The following TOGARAM1 variants were observed in gnomAD, a reference collection of about 807,000 sequenced individuals.
TOGARAM1 encodes the protein TOG array regulator of axonemal microtubules 1.
In TOGARAM1, 100 loss-of-function variants were observed where a neutral mutation model predicts 166.6. That is an observed-to-expected ratio of 0.60 (90% confidence interval 0.51 to 0.71). The LOEUF is 0.71. Ranked by LOEUF, TOGARAM1 falls within the 30% of genes least tolerant of loss-of-function variation. TOGARAM1 has a pLI of 0.00. For synonymous variants in TOGARAM1, 758 were observed against 763.8 expected (o/e 0.99, Z 0.13); for missense variants, 2,029 against 2,102.7 (o/e 0.96, Z 0.69).
At chr14:44,988,550 A>G (rs1886974822) in intron 1 of TOGARAM1, among the ~76,000 whole-genome samples, 1 of 152,232 alleles carries the variant, frequency 6.6e-6, no homozygotes, top group Admixed American at 6.5e-5. Context: ...TTGATCAGTT[A>G]AAGAGACAAA....
At chr14:45,017,834 G>C (rs538129407) in intron 7 of TOGARAM1, among the ~76,000 whole-genome samples, 2 of 151,950 alleles carry the variant, frequency 1.3e-5, no homozygotes, top group Non-Finnish European at 2.9e-5. Flanking sequence ...GCAGTGAGCC[G>C]AGATGGCGCC....
intron 1 of TOGARAM1, among the ~76,000 whole-genome samples, chr14:44,966,475 AAAT>A (rs750279861): frequency 1.3e-5 from 2 of 152,076 alleles, no homozygotes; most frequent in Non-Finnish European, 2.9e-5. Context: ...TGCATCTCAA[AAAT>A]AATAATAATA....
intron 1 of TOGARAM1, among the ~76,000 whole-genome samples, chr14:44,965,295 C>T (rs992489485): frequency 6.6e-6 from 1 of 152,100 alleles, no homozygotes; most frequent in African/African-American, 2.4e-5. Flanking sequence ...TAACAGACAG[C>T]CTGTATTTAA....
At chr14:44,983,756 T>C (rs936100002) in intron 1 of TOGARAM1, among the ~76,000 whole-genome samples, 1 of 152,224 alleles carries the variant, frequency 6.6e-6, no homozygotes, top group Non-Finnish European at 1.5e-5. Context: ...TTGGATTGTT[T>C]CTGAAAAGAT....
chr14:44,985,625 A>G (rs1886753530), intron 1 of TOGARAM1, among the ~76,000 whole-genome samples: 1 of 152,212 alleles, frequency 6.6e-6, no homozygotes, highest in South Asian at 2.1e-4. Flanking sequence ...AGCTCAGGCA[A>G]TAATCCCAGT....
chr14:45,053,147 T>C (rs916262345), intron 15 of TOGARAM1, among the ~76,000 whole-genome samples: 14 of 150,834 alleles, frequency 9.3e-5, no homozygotes, highest in African/African-American at 3.2e-4. Flanking sequence ...CAAGCGATTC[T>C]CCTGCCTCAG....
intron 12 of TOGARAM1, among the ~76,000 whole-genome samples, chr14:45,044,407 G>T (rs966316565): frequency 2.0e-5 from 3 of 152,056 alleles, no homozygotes; most frequent in African/African-American, 2.4e-5. Flanking sequence ...CAGGCATGGT[G>T]GTGTGCATCT....
At chr14:45,025,752 G>C (rs202068173) in intron 7 of TOGARAM1, 31 bp from the exon 8 acceptor site, 6 of 1,238,830 alleles carry the variant, frequency 4.8e-6, no homozygotes, top group Non-Finnish European at 7.1e-6. Context: ...ATATGTTTAA[G>C]TATTTGTTTT....
chr14:44,992,086 A>C (rs1887169585), intron 1 of TOGARAM1, among the ~76,000 whole-genome samples: 2 of 148,950 alleles, frequency 1.3e-5, no homozygotes, highest in South Asian at 2.1e-4. Flanking sequence ...AAAAAAAAAA[A>C]AAAAAAAAAA....
intron 2 of TOGARAM1, among the ~76,000 whole-genome samples, chr14:44,998,423 A>T (rs1283239862): frequency 6.6e-6 from 1 of 152,240 alleles, no homozygotes; most frequent in African/African-American, 2.4e-5. Context: ...TTGACTTTAA[A>T]GGAGGGAGAG....
rs746660414 is a variant in TOGARAM1 at position 45,012,073 on chromosome 14, C to G, written c.3236C>G (p.Ala1079Gly). The change falls in exon 7 of 20, where the codon GCA becomes GGA. Residue 1079 changes from alanine to glycine, a missense_variant and splice_region_variant. By Grantham distance (60) the Ala-to-Gly change is moderately conservative. This residue lies in a region of TOGARAM1 where 1,453 missense variants were observed against 1,432.2 expected (regional missense o/e 1.01). Coordinates refer to ENST00000361462, the MANE Select transcript of TOGARAM1 (RefSeq NM_001308120.2). The stretch of plus-strand genomic sequence containing the variant: ...CATATTGCTGAACAAAGCCCCAGTG[C>G]AGGTATTCTATGTCTGTTTATAAAA... Reference protein sequence around the residue: ...ISHIAEQSPSAGSSSNPQQIS... With the variant: ...ISHIAEQSPSGGSSSNPQQIS... 1.3e-6 allele frequency: 2 copies of G among 1,564,804 alleles called. No homozygotes were observed. Among genetic ancestry groups the G allele is most frequent in the South Asian group, 2.4e-5 (2 of 85,012 alleles).
intron 7 of TOGARAM1, among the ~76,000 whole-genome samples, chr14:45,019,743 C>A (rs904205763): frequency 6.6e-6 from 1 of 152,162 alleles, no homozygotes; most frequent in African/African-American, 2.4e-5. Flanking sequence ...AAGGTGGATG[C>A]GGTCACCTTC....
chr14:44,989,617 A>G (rs1887025006), intron 1 of TOGARAM1, among the ~76,000 whole-genome samples: 1 of 151,264 alleles, frequency 6.6e-6, no homozygotes, highest in African/African-American at 2.4e-5. Context: ...GTTCAAAACC[A>G]CAAGTCTCTA....
intron 14 of TOGARAM1, among the ~76,000 whole-genome samples, chr14:45,051,930 C>T (rs563254541): frequency 3.3e-4 from 50 of 152,232 alleles, no homozygotes; most frequent in Admixed American, 8.5e-4. Context: ...TATCATAAGC[C>T]AAAAGTGCAT....
chr14:45,062,693 A>G (rs1882952049), intron 16 of TOGARAM1, among the ~76,000 whole-genome samples: 1 of 152,202 alleles, frequency 6.6e-6, no homozygotes, highest in South Asian at 2.1e-4. Context: ...TATTCAATAA[A>G]TTATTCATTA....
At chr14:44,965,957 C>T (rs953104841) in intron 1 of TOGARAM1, among the ~76,000 whole-genome samples, 5 of 150,314 alleles carry the variant, frequency 3.3e-5, no homozygotes, top group African/African-American at 1.2e-4. Flanking sequence ...TCACTGCAAC[C>T]TCTGTCTCCC....
At chr14:45,037,140 G>A (rs956443813) in intron 11 of TOGARAM1, among the ~76,000 whole-genome samples, 1 of 152,062 alleles carries the variant, frequency 6.6e-6, no homozygotes, top group South Asian at 2.1e-4. Context: ...TGTCAGCCAG[G>A]GACCCTCTCA....
At chr14:44,990,916 A>G (rs111380707) in intron 1 of TOGARAM1, among the ~76,000 whole-genome samples, 23,907 of 141,652 alleles carry the variant, frequency 0.17, 3,780 homozygotes, top group African/African-American at 0.43. Flanking sequence ...CCCAAAATGC[A>G]GGGATTACAG....
At chr14:45,015,162 G>T (rs1282810991) in intron 7 of TOGARAM1, among the ~76,000 whole-genome samples, 3 of 151,946 alleles carry the variant, frequency 2.0e-5, no homozygotes, top group Admixed American at 1.3e-4. Context: ...AAAAGTAGCG[G>T]AGAATGGTGG....
Sources: allele counts gnomAD v4.1 joint callset (sites outside exome capture counted in the v4.1 genomes callset), GRCh38; gene constraint gnomAD v4.1.1; regional missense constraint gnomAD v4.1.1; transcripts MANE v1.5; gene names NCBI Gene and HGNC (gene_info 2026-07-23, HGNC 2026-07-21).